MTR: variants seen among roughly 807,000 people sequenced by gnomAD.
MTR encodes methionine synthase.
In MTR, 84 loss-of-function variants were observed where a neutral mutation model predicts 154.8. That is an observed-to-expected ratio of 0.54 (90% CI 0.45 to 0.65). The LOEUF is 0.65. Among genes scored for constraint, MTR ranks in the 30% least tolerant of loss-of-function variants. MTR has a pLI of 0.00. For missense variants in MTR, 1,275 were observed against 1,570.2 expected (o/e 0.81, Z 3.18); for synonymous variants, 554 against 553.9 (o/e 1.00, Z 0.00).
intron 14 of MTR, among the ~76,000 whole-genome samples, chr1:236,836,401 TA>T (rs977247290): frequency 2.0e-5 from 3 of 151,974 alleles, no homozygotes; most frequent in Non-Finnish European, 4.4e-5. Context: ...ACGCATCATT[TA>T]AAAAAAATTT....
chr1:236,860,184 T>C (rs1664452877), intron 19 of MTR, among the ~76,000 whole-genome samples: 2 of 148,894 alleles, frequency 1.3e-5, no homozygotes, highest in Admixed American at 6.9e-5. Flanking sequence ...GGGGTGCTGC[T>C]AAACATCCTG....
Position 236,861,126 on chromosome 1 carries a change from G to A in MTR, c.2045G>A (p.Gly682Asp), listed in dbSNP as rs113914406. 6.6e-7 allele frequency: 1 copy of A among 1,525,778 alleles called. No individual in the cohort carries two copies. The highest frequency in any genetic ancestry group is 1.8e-4 in the Middle Eastern group (1 of 5,590). The allele number at this position is 1,525,778 out of a possible 1,614,324, so 94.5% of individuals were successfully genotyped here. A position where few individuals can be genotyped will look rare whatever the true frequency, so the allele number is the denominator to read the frequency against. Residue 682 changes from glycine to aspartate, a missense_variant and splice_region_variant, in exon 20 of 33, where the codon GGC becomes GAC. Gly to Asp is a moderately conservative substitution (Grantham distance 94). Coordinates refer to ENST00000366577, the MANE Select transcript of MTR (RefSeq NM_000254.3). ...EERLEYALVKGIEKHIIEDTE... is the reference protein window; with the variant it reads ...EERLEYALVKDIEKHIIEDTE... Reference sequence around the variant, plus strand: ...TTTTTTTTTTTTTGTCTTTTTTAGGGCATTGAAAAACATATTATTGAGGAT... The same window carrying A: ...TTTTTTTTTTTTTGTCTTTTTTAGGACATTGAAAAACATATTATTGAGGAT...
intron 9 of MTR, among the ~76,000 whole-genome samples, 198 bp from the exon 10 acceptor site, chr1:236,825,140 A>ATTTTTTT (rs749672025): frequency 5.3e-5 from 6 of 114,120 alleles, no homozygotes; most frequent in East Asian, 5.1e-4. Flanking sequence ...TTCCTCTGTG[A>ATTTTTTT]TTTTTTTTTT....
Position 236,895,485 on chromosome 1 carries a change from C to A in MTR, c.3533C>A (p.Pro1178His). 1 of 1,595,494 alleles carries A rather than the reference C, an allele frequency of 6.3e-7. No homozygotes were observed. Among genetic ancestry groups the A allele is most frequent in the South Asian group, 1.1e-5 (1 of 87,750 alleles). ...GGCATCCGCCCGGCTCCTGGCTACC[C>A]CAGCCAGCCCGACCACACCGAGAAG... Reference protein sequence around the residue: ...YKGIRPAPGYPSQPDHTEKLT... With the variant: ...YKGIRPAPGYHSQPDHTEKLT... Residue 1178 changes from proline to histidine, a missense_variant, in exon 31 of 33, where the codon CCC (proline) becomes CAC (histidine). Physicochemically the swap from Pro to His is moderately conservative, Grantham distance 77. Coordinates refer to ENST00000366577, the MANE Select transcript of MTR (RefSeq NM_000254.3).
chr1:236,871,996 T>C (rs1432511072), intron 22 of MTR, among the ~76,000 whole-genome samples: 1 of 152,202 alleles, frequency 6.6e-6, no homozygotes, highest in Non-Finnish European at 1.5e-5. Flanking sequence ...CATTCTTTTT[T>C]GTTCTTGTTA....
In MTR at chr1:236,885,200, A is replaced by G. The variant is rs1805087; in HGVS notation, c.2756A>G (p.Asp919Gly). ...IMEEYEDIRQDHYESLKERRY... is the reference protein window; with the variant it reads ...IMEEYEDIRQGHYESLKERRY... Reference sequence around the variant, plus strand: ...GAAGAATATGAAGATATTAGACAGGACCATTATGAGTCTCTCAAGGTAAGT... The same window carrying G: ...GAAGAATATGAAGATATTAGACAGGGCCATTATGAGTCTCTCAAGGTAAGT... Residue 919 changes from aspartate (D) to glycine (G), a missense_variant, in exon 26 of 33, where the codon GAC becomes GGC. Physicochemically the swap from Asp to Gly is moderately conservative, Grantham distance 94 (BLOSUM62 -1). Coordinates refer to ENST00000366577, the MANE Select transcript of MTR (RefSeq NM_000254.3). The G allele has an allele frequency of 0.2, 319,567 of 1,590,910 alleles. 34,048 individuals are homozygous for G. Among genetic ancestry groups the G allele is most frequent in the South Asian group, 0.31 (27,811 of 90,524 alleles).
At chr1:236,860,591 A>C (rs1015071461) in intron 19 of MTR, among the ~76,000 whole-genome samples, 6 of 152,086 alleles carry the variant, frequency 3.9e-5, no homozygotes, top group Non-Finnish European at 8.8e-5. Context: ...ACTTCATTTA[A>C]GGGCCTCATC....
intron 15 of MTR, among the ~76,000 whole-genome samples, chr1:236,847,878 C>G (rs1663675343): frequency 6.6e-6 from 1 of 152,210 alleles, no homozygotes; most frequent in African/African-American, 2.4e-5. Flanking sequence ...TTCTGGATCT[C>G]TGAAATCCAC....
chr1:236,851,176 T>C (rs536191331), intron 16 of MTR, among the ~76,000 whole-genome samples: 7 of 152,178 alleles, frequency 4.6e-5, no homozygotes, highest in Non-Finnish European at 7.3e-5. Flanking sequence ...GACTTACCCA[T>C]ATGCAGAGTG....
At chr1:236,850,622 A>G in intron 16 of MTR, 99 bp downstream of exon 16, 2 of 1,028,426 alleles carry the variant, frequency 1.9e-6, no homozygotes, top group South Asian at 1.4e-5. Flanking sequence ...GGCTGATGAA[A>G]TGTTAACATT....
chr1:236,829,460 C>G (rs1053620718), intron 12 of MTR, among the ~76,000 whole-genome samples, 192 bp downstream of exon 12: 5 of 152,154 alleles, frequency 3.3e-5, no homozygotes, highest in Non-Finnish European at 7.3e-5. Context: ...ATGACGTCAA[C>G]TTTAGGGTAA....
chr1:236,867,372 A>G (rs1770584), intron 22 of MTR, among the ~76,000 whole-genome samples: 152,261 of 152,314 alleles, frequency 1, 76,104 homozygotes, highest in Middle Eastern at 1. Flanking sequence ...TAAGCCTACC[A>G]TTAAGACCTA....
chr1:236,800,337 A>G (rs1049742887), intron 1 of MTR: 2 of 985,322 alleles, frequency 2.0e-6, no homozygotes, highest in Admixed American at 6.1e-5. Flanking sequence ...TTTCATGTGC[A>G]TGACCTATTT....
chr1:236,891,716 G>A (rs1417437199), intron 29 of MTR, among the ~76,000 whole-genome samples: 2 of 152,156 alleles, frequency 1.3e-5, no homozygotes, highest in Non-Finnish European at 2.9e-5. Flanking sequence ...AGACTGTCAG[G>A]TGGCTTCCCT....
chr1:236,810,718 A>G (rs1661252795), intron 5 of MTR, 123 bp downstream of exon 5: 1 of 816,734 alleles, frequency 1.2e-6, no homozygotes, highest in Middle Eastern at 3.0e-4. Context: ...GATTTAATCC[A>G]TGTAAAACGT....
intron 14 of MTR, among the ~76,000 whole-genome samples, chr1:236,837,567 G>A (rs1662980133): frequency 6.6e-6 from 1 of 152,182 alleles, no homozygotes; most frequent in Admixed American, 6.5e-5. Flanking sequence ...GGCCTAATAT[G>A]GTAGTCACTT....
chr1:236,827,834 C>T (rs1662381108), intron 11 of MTR, among the ~76,000 whole-genome samples: 1 of 152,048 alleles, frequency 6.6e-6, no homozygotes, highest in African/African-American at 2.4e-5. Context: ...TTTGTTTTTT[C>T]CCTGGAGTGA....
chr1:236,871,361 A>G (rs1665121700), intron 22 of MTR, among the ~76,000 whole-genome samples: 1 of 152,180 alleles, frequency 6.6e-6, no homozygotes, highest in African/African-American at 2.4e-5. Flanking sequence ...TGTTCCAGCC[A>G]CAACAATTTC....
At position 236,897,298 on chromosome 1, in the gene MTR, A is replaced by G. The variant is rs549974325; in HGVS notation, c.3711+180A>G. Among the ~76,000 whole-genome samples, 508 of 72,808 alleles carry G rather than the reference A, an allele frequency of 7.0e-3. 3 individuals carry two copies. The highest frequency in any genetic ancestry group is 0.018 in the Admixed American group (124 of 6,804). The allele number at this position is 72,808 out of a possible 152,430, so 47.8% of individuals were successfully genotyped here. Reference sequence around the variant, plus strand: ...ATTCTAGCCCTCACTTCTACATGCAAGCCACACACACGCACACACACACAC... The same window carrying G: ...ATTCTAGCCCTCACTTCTACATGCAGGCCACACACACGCACACACACACAC... On this transcript the variant is annotated intron_variant, in intron 32 of 32. Coordinates refer to ENST00000366577, the MANE Select transcript of MTR (RefSeq NM_000254.3).
Sources: allele counts gnomAD v4.1 joint callset (sites outside exome capture counted in the v4.1 genomes callset), GRCh38; gene constraint gnomAD v4.1.1; transcripts MANE v1.5; gene names NCBI Gene and HGNC (gene_info 2026-07-23, HGNC 2026-07-21).